Variants in PMPCA observed in about 807,000 individuals in gnomAD.
PMPCA encodes mitochondrial-processing peptidase subunit alpha.
PMPCA carries 47 observed loss-of-function variants against 59.3 expected under a neutral mutation model. The observed-to-expected ratio is 0.79, with a 90% CI of 0.63 to 1.01. The LOEUF is 1.01. Among genes scored for constraint, PMPCA ranks in the 50% least tolerant of loss-of-function variants. The pLI, the probability that PMPCA is intolerant of heterozygous loss-of-function variation, is 0.00. For synonymous variants in PMPCA, 338 were observed against 290.3 expected (o/e 1.16, Z -1.67); for missense variants, 726 against 704.5 (o/e 1.03, Z -0.34).
In PMPCA at chr9:136,421,701, T is replaced by A. The variant is rs1403318127; in HGVS notation, c.1264-131T>A. The A allele has an allele frequency of 9.7e-6, 8 of 824,842 alleles. No individual in the cohort carries two copies. In the East Asian group the frequency reaches 2.0e-4, roughly 21 times the overall value. The allele number at this position is 824,842 out of a possible 1,614,324, so 51.1% of individuals were successfully genotyped here. ...AGCTGGGATTACAGGCGGGAGCCAC[T>A]GCGCCCGGCTGCCCTTCCCTTTCTT... On this transcript the variant is annotated intron_variant, in intron 11 of 12. Transcript: ENST00000371717.
At chr9:136,412,459 T>C (rs754208399) in intron 2 of PMPCA, 31 bp from the exon 3 acceptor site, 6 of 1,026,006 alleles carry the variant, frequency 5.8e-6, no homozygotes, top group South Asian at 2.7e-5. Context: ...GAATATCTGA[T>C]GTAACCTGTC....
In PMPCA at chr9:136,422,348, C is replaced by G. The variant is rs1033325441; in HGVS notation, c.1408+372C>G. On this transcript the variant is annotated intron_variant, in intron 12 of 12. Coordinates refer to ENST00000371717, the MANE Select transcript of PMPCA (RefSeq NM_015160.3). ...AGCAGTGGCTCGGAATGCCGCTGTA[C>G]CGTTGCTGGCTCTCGGGCAGGAGTC... 8 of 1,152,332 alleles carry G rather than the reference C, an allele frequency of 6.9e-6. No homozygotes were observed. In the African/African-American group the frequency reaches 8.0e-5, roughly 12 times the overall value. The allele number at this position is 1,152,332 out of a possible 1,614,324, so 71.4% of individuals were successfully genotyped here. A position where few individuals can be genotyped will look rare whatever the true frequency, so the allele number is the denominator to read the frequency against.
chr9:136,410,923 T>C (rs1835082638), intron 1 of PMPCA, among the ~76,000 whole-genome samples, 184 bp downstream of exon 1: 1 of 152,210 alleles, frequency 6.6e-6, no homozygotes, highest in Non-Finnish European at 1.5e-5. Flanking sequence ...GGGGACGCAG[T>C]CCCATCTGTC....
At chr9:136,422,711 T>C (rs1364211471) in intron 12 of PMPCA, 3 of 1,054,108 alleles carry the variant, frequency 2.8e-6, no homozygotes, top group Non-Finnish European at 2.3e-6. Flanking sequence ...CTGGGGTTCC[T>C]GGGTGCAGCC....
chr9:136,414,284 G>T (rs1346923259), intron 4 of PMPCA, among the ~76,000 whole-genome samples: 6 of 152,256 alleles, frequency 3.9e-5, no homozygotes, highest in African/African-American at 9.6e-5. Flanking sequence ...CAGGAAAAGA[G>T]AAAGGGGAAA....
Position 136,422,815 on chromosome 9 carries a change from A to G in PMPCA, c.1409-280A>G. 4 of 1,233,854 alleles carry G rather than the reference A, an allele frequency of 3.2e-6. No individual in the cohort carries two copies. In the Admixed American group the frequency reaches 1.4e-4, roughly 44 times the overall value. 76.4% of individuals were successfully genotyped at this position (1,233,854 alleles called of 1,614,324 possible). ...CCGTCCTAAAGTGAGTTCATCAGACACGGAGCTCGCTCTTCTGTAAGTGTA... is the reference window on the plus strand; with the variant it reads ...CCGTCCTAAAGTGAGTTCATCAGACGCGGAGCTCGCTCTTCTGTAAGTGTA... On this transcript the variant is annotated intron_variant, in intron 12 of 12. Transcript: ENST00000371717.
At position 136,419,097 on chromosome 9, in the gene PMPCA, C is replaced by T. The variant is rs148017285; in HGVS notation, c.1254C>T (p.Thr418=). The change falls in exon 11 of 13, where the codon ACC becomes ACT. Residue 418 remains threonine (T), a synonymous_variant. Coordinates refer to ENST00000371717, the MANE Select transcript of PMPCA (RefSeq NM_015160.3). ...AGGAGTTTATTTTAATGGGCGGAAC[C>T]GTGGACACGGTAAGTGCAGTGTGGC... ...ITKEFILMGG[T]VDTVELERAK... The T allele has an allele frequency of 2.1e-5, 34 of 1,613,272 alleles. No homozygotes were observed. The highest frequency in any genetic ancestry group is 2.0e-4 in the South Asian group (18 of 91,068).
chr9:136,412,545 C>G lies in PMPCA; in HGVS notation c.330C>G (p.His110Gln). 1.3e-6 allele frequency: 2 copies of G among 1,599,308 alleles called. No homozygotes were observed. The highest frequency in any genetic ancestry group is 1.7e-6 in the Non-Finnish European group (2 of 1,168,590). ...CGAAATACCTTAGTGGAATTGCTCA[C>G]TTTTTGGAAAAATTGGCATTTTCGG... ...YEAKYLSGIA[H>Q]FLEKLAFSST... Residue 110 changes from histidine to glutamine, a missense_variant, in exon 3 of 13, where the codon CAC becomes CAG. Coordinates refer to ENST00000371717, the MANE Select transcript of PMPCA (RefSeq NM_015160.3).
chr9:136,422,735 T>C, intron 12 of PMPCA: 2 of 1,077,514 alleles, frequency 1.9e-6, no homozygotes, highest in African/African-American at 1.6e-5. Context: ...TGGCCTTCTC[T>C]CACCCCACCC....
rs367697404 is a variant in PMPCA, at chr9:136,422,168, C to G, written c.1408+192C>G. 2.6e-5 allele frequency: 40 copies of G among 1,526,524 alleles called. No homozygotes were observed. In the African/African-American group the frequency reaches 4.5e-4, roughly 17 times the overall value. 94.6% of individuals were successfully genotyped at this position (1,526,524 alleles called of 1,614,324 possible). A position where few individuals can be genotyped will look rare whatever the true frequency, so the allele number is the denominator to read the frequency against. On this transcript the variant is annotated intron_variant, in intron 12 of 12. Transcript: ENST00000371717. ...TGGGGTCGCAGACCTGGTCTCACTT[C>G]CCGGCCCCACCATGCACCTGCTGCC... is the stretch of plus-strand genomic sequence containing the variant.
At position 136,423,088 on chromosome 9, in the gene PMPCA, G is replaced by A. The variant is rs752241224; in HGVS notation, c.1409-7G>A. The A allele has an allele frequency of 3.7e-6, 6 of 1,609,874 alleles. No homozygotes were observed. Among genetic ancestry groups the A allele is most frequent in the Non-Finnish European group, 5.1e-6 (6 of 1,178,616 alleles). Reference sequence around the variant, plus strand: ...CTCGTGTGACACGCGTTTGCCCTCTGCACTAGGCAACGTGAAGCCGGAAGA... The same window carrying A: ...CTCGTGTGACACGCGTTTGCCCTCTACACTAGGCAACGTGAAGCCGGAAGA... On this transcript the variant is annotated splice_region_variant and splice_polypyrimidine_tract_variant and intron_variant, in intron 12 of 12. Transcript: ENST00000371717.
At chr9:136,414,899 AACATG>A (rs1835232646) in intron 5 of PMPCA, among the ~76,000 whole-genome samples, 2 of 152,190 alleles carry the variant, frequency 1.3e-5, no homozygotes, top group Non-Finnish European at 2.9e-5. Context: ...CAGCCTGGGC[AACATG>A]GTGAAACCCT....
intron 4 of PMPCA, 90 bp downstream of exon 4, chr9:136,412,982 C>T (rs112738288): frequency 3.2e-5 from 26 of 804,928 alleles, no homozygotes; most frequent in Middle Eastern, 2.3e-4. Flanking sequence ...CCCCTCCCAG[C>T]GGGAGGTGTG....
chr9:136,422,562 C>G (rs935652495), intron 12 of PMPCA: 4 of 1,015,548 alleles, frequency 3.9e-6, no homozygotes, highest in Admixed American at 1.1e-4. Context: ...GCCTGGAGTC[C>G]CGGGCACTTG....
Position 136,416,373 on chromosome 9 carries a change from C to T in PMPCA, c.615C>T (p.Leu205=), listed in dbSNP as rs1400832477. The part of the protein sequence containing the change: ...LNLRPDPEPL[L]TEMIHEAAYR... Reference sequence around the variant, plus strand: ...TGCGGCCTGACCCAGAGCCACTTCTCACCGAGATGATTCATGAAGTAAAAT... The same window carrying T: ...TGCGGCCTGACCCAGAGCCACTTCTTACCGAGATGATTCATGAAGTAAAAT... Residue 205 remains leucine (L), a synonymous_variant, in exon 6 of 13, where the codon CTC becomes CTT. Transcript: ENST00000371717. The T allele has an allele frequency of 2.5e-6, 4 of 1,612,278 alleles. No homozygotes were observed. The highest frequency in any genetic ancestry group is 3.4e-6 in the Non-Finnish European group (4 of 1,178,486).
chr9:136,421,404 GTTTTTTTTT>G (rs57128281), intron 11 of PMPCA, among the ~76,000 whole-genome samples: 6 of 118,008 alleles, frequency 5.1e-5, no homozygotes, highest in African/African-American at 1.9e-4. Flanking sequence ...CTGGGTTCCC[GTTTTTTTTT>G]TTTTTTTTTT....
intron 6 of PMPCA, 61 bp from the exon 7 acceptor site, chr9:136,416,890 G>T: frequency 6.6e-7 from 1 of 1,521,282 alleles, no homozygotes; most frequent in East Asian, 2.3e-5. Flanking sequence ...GGTGCTGCTT[G>T]TTGGAGGAAG....
At chr9:136,410,946 G>A (rs1475675857) in intron 1 of PMPCA, among the ~76,000 whole-genome samples, 1 of 152,216 alleles carries the variant, frequency 6.6e-6, no homozygotes, top group African/African-American at 2.4e-5. Flanking sequence ...TCCTCTCCCC[G>A]GCTGCTGGGT....
chr9:136,417,299 A>T, intron 7 of PMPCA, 85 bp downstream of exon 7: 2 of 1,168,062 alleles, frequency 1.7e-6, no homozygotes, highest in Non-Finnish European at 2.4e-6. Context: ...ATTGATTCTG[A>T]GGGTGATAGG....
Sources: gnomAD v4.1 joint callset for allele counts (sites outside exome capture counted in the v4.1 genomes callset) on GRCh38, gnomAD v4.1.1 for gene constraint, MANE v1.5 for transcripts, NCBI Gene and HGNC (gene_info 2026-07-23, HGNC 2026-07-21) for gene names.